Variants in POLR3E observed in about 807,000 individuals in gnomAD.
The protein encoded by POLR3E is DNA-directed RNA polymerase III subunit RPC5.
POLR3E carries 41 observed loss-of-function variants against 96.6 expected under a neutral mutation model. The observed-to-expected ratio is 0.42, with a 90% CI of 0.33 to 0.55. The LOEUF is 0.55. Ranked by LOEUF, POLR3E falls within the 20% of genes least tolerant of loss-of-function variation. POLR3E has a pLI of 0.06. For synonymous variants in POLR3E, 396 were observed against 383.6 expected (o/e 1.03, Z -0.38); for missense variants, 849 against 952.1 (o/e 0.89, Z 1.43).
intron 9 of POLR3E, among the ~76,000 whole-genome samples, 178 bp from the exon 10 acceptor site, chr16:22,316,423 C>G (rs893887990): frequency 1.3e-5 from 2 of 152,158 alleles, no homozygotes; most frequent in African/African-American, 4.8e-5. Context: ...CTGGGCAGGT[C>G]ATAAGGCCAG....
chr16:22,333,272 G>A (rs1361642571), intron 20 of POLR3E, among the ~76,000 whole-genome samples: 2 of 151,440 alleles, frequency 1.3e-5, no homozygotes, highest in African/African-American at 4.8e-5. Context: ...GACCAACATG[G>A]AGAAACCCCA....
At chr16:22,331,415 G>GTATA (rs201583900) in intron 19 of POLR3E, 1 of 151,966 alleles carries the variant, frequency 6.6e-6, no homozygotes, top group Non-Finnish European at 1.5e-5. Context: ...TCATTATTCT[G>GTATA]TATATCAGTC....
rs1036753077 is a variant in POLR3E at position 22,324,338 on chromosome 16, GCTT to G, written c.1069-10_1069-8del. On this transcript the variant is annotated splice_polypyrimidine_tract_variant and intron_variant, in intron 14 of 20. Transcript: ENST00000299853. ...TCCGTGGCCGCCCCTGGAATGTGCTGCTTCTTCTCCCTCAGATGTGGAAGTTCA... is the reference window on the plus strand; with the variant it reads ...TCCGTGGCCGCCCCTGGAATGTGCTGCTTCTCCCTCAGATGTGGAAGTTCA... 1.2e-6 allele frequency: 2 copies of G among 1,611,256 alleles called. No individual in the cohort carries two copies. The highest frequency in any genetic ancestry group is 1.7e-6 in the Non-Finnish European group (2 of 1,178,716).
chr16:22,304,404 G>A (rs1262669196), intron 2 of POLR3E, among the ~76,000 whole-genome samples: 1 of 152,190 alleles, frequency 6.6e-6, no homozygotes, highest in Non-Finnish European at 1.5e-5. Flanking sequence ...GTTACAACAG[G>A]GGGGTTGGTG....
Position 22,316,700 on chromosome 16 carries a change from G to GGCCA in POLR3E, c.728+17_728+20dup. ...CAAGTCACCCAGGTGGGATGGGCTG[G>GGCCA]GCCAGCATGCAAACTGGATGCCTGC... is the stretch of plus-strand genomic sequence containing the variant. On this transcript the variant is annotated intron_variant, in intron 10 of 20. Transcript: ENST00000299853. The GGCCA allele has an allele frequency of 6.2e-7, 1 of 1,608,986 alleles. No individual in the cohort carries two copies. The highest frequency in any genetic ancestry group is 2.2e-5 in the East Asian group (1 of 44,876).
At position 22,297,475 on chromosome 16, in the gene POLR3E, C is replaced by A. The variant is rs1268117811; in HGVS notation, c.-101C>A. ...CCTGAGAGGAGAGCCGGGCCGCCGC[C>A]GTCTCTGCAGCCCGCGGGTAACTGG... is the stretch of plus-strand genomic sequence containing the variant. On this transcript the variant is annotated 5_prime_UTR_variant, in exon 1 of 21. Coordinates refer to ENST00000299853, the MANE Select transcript of POLR3E (RefSeq NM_018119.4). The A allele has an allele frequency of 6.6e-6, 1 of 152,520 alleles. No individual in the cohort carries two copies. The highest frequency in any genetic ancestry group is 1.9e-4 in the East Asian group (1 of 5,216). The allele number at this position is 152,520 out of a possible 1,614,324, so 9.4% of individuals were successfully genotyped here.
rs138752547 is a variant in POLR3E at position 22,300,071 on chromosome 16, G to C, written c.-39+2534G>C. On this transcript the variant is annotated intron_variant, in intron 1 of 20. Coordinates refer to ENST00000299853, the MANE Select transcript of POLR3E (RefSeq NM_018119.4). ...TGGGAGACTTGGAGGTAGGTATAAG[G>C]AGCCGTAGGGAGACTTGGATGAGTG... Among the ~76,000 whole-genome samples the C allele has an allele frequency of 4.0e-4, 61 of 152,304 alleles. 2 individuals carry two copies. Among genetic ancestry groups the C allele is most frequent in the African/African-American group, 1.4e-3 (60 of 41,560 alleles).
rs201506303 is a variant in POLR3E at position 22,330,058 on chromosome 16, G to GTT, written c.1944+1486_1944+1487dup. Among the ~76,000 whole-genome samples the GTT allele has an allele frequency of 2.4e-3, 345 of 142,666 alleles. 2 individuals are homozygous for GTT. The highest frequency in any genetic ancestry group is 6.4e-3 in the African/African-American group (252 of 39,274). The allele number at this position is 142,666 out of a possible 152,430, so 93.6% of individuals were successfully genotyped here. On this transcript the variant is annotated intron_variant, in intron 19 of 20. Coordinates refer to ENST00000299853, the MANE Select transcript of POLR3E (RefSeq NM_018119.4). The stretch of plus-strand genomic sequence containing the variant: ...CTGTAGAGATAGATATGTTACGCCA[G>GTT]TTTTTTTTTTTTTTTTGAGATAGAT...
In POLR3E at chr16:22,334,448, T is replaced by C. The variant is rs1227604429; in HGVS notation, c.*748T>C. The C allele has an allele frequency of 6.6e-6, 1 of 152,246 alleles. No homozygotes were observed. Among genetic ancestry groups the C allele is most frequent in the Non-Finnish European group, 1.5e-5 (1 of 68,048 alleles). The allele number at this position is 152,246 out of a possible 1,614,324, so 9.4% of individuals were successfully genotyped here. A position where few individuals can be genotyped will look rare whatever the true frequency, so the allele number is the denominator to read the frequency against. ...AAATGCAAACACTAAACTAGCATCA[T>C]GGTGCTATCTTCAAATGGTTACAGG... On this transcript the variant is annotated 3_prime_UTR_variant, in exon 21 of 21. Transcript: ENST00000299853.
chr16:22,298,359 C>T (rs1409739483), intron 1 of POLR3E, among the ~76,000 whole-genome samples: 1 of 152,214 alleles, frequency 6.6e-6, no homozygotes, highest in African/African-American at 2.4e-5. Flanking sequence ...GCGTCATTAC[C>T]CGCTTACGTT....
intron 10 of POLR3E, 77 bp from the exon 11 acceptor site, chr16:22,316,918 A>C (rs1258813769): frequency 6.7e-7 from 1 of 1,491,604 alleles, no homozygotes; most frequent in Non-Finnish European, 9.4e-7. Context: ...CTCTCCCCAG[A>C]CCCTCACTTG....
At chr16:22,333,029 C>CAGT (rs1451199308) in intron 20 of POLR3E, among the ~76,000 whole-genome samples, 1 of 129,300 alleles carries the variant, frequency 7.7e-6, no homozygotes, top group Non-Finnish European at 1.5e-5. Context: ...GGCTAGAGTG[C>CAGT]AGTAGCACAA....
rs56242216 is a variant in POLR3E at position 22,305,829 on chromosome 16, A to G, written c.87+623A>G. On this transcript the variant is annotated intron_variant, in intron 3 of 20. Coordinates refer to ENST00000299853, the MANE Select transcript of POLR3E (RefSeq NM_018119.4). Reference sequence around the variant, plus strand: ...TGACCGTATGCAGACTGTTGAAAGCATTTACCTCAGTTACCTCTTTAACCC... The same window carrying G: ...TGACCGTATGCAGACTGTTGAAAGCGTTTACCTCAGTTACCTCTTTAACCC... 9.6e-3 allele frequency among the ~76,000 whole-genome samples: 1,469 copies of G among 152,254 alleles called. 14 individuals are homozygous for G. The highest frequency in any genetic ancestry group is 0.014 in the Non-Finnish European group (961 of 68,026).
chr16:22,324,703 C>G (rs1161445187), intron 16 of POLR3E, 43 bp downstream of exon 16: 3 of 1,599,102 alleles, frequency 1.9e-6, no homozygotes, highest in Non-Finnish European at 2.6e-6. Context: ...GTGATCCCAG[C>G]AACCCTGCAT....
At chr16:22,310,968 A>G (rs964782463) in intron 6 of POLR3E, among the ~76,000 whole-genome samples, 1 of 152,136 alleles carries the variant, frequency 6.6e-6, no homozygotes, top group Non-Finnish European at 1.5e-5. Flanking sequence ...AAATTTATTT[A>G]TTGATTTATT....
intron 13 of POLR3E, among the ~76,000 whole-genome samples, chr16:22,321,234 G>C (rs1388195138): frequency 6.6e-6 from 1 of 152,184 alleles, no homozygotes; most frequent in African/African-American, 2.4e-5. Flanking sequence ...CGTTTTACTT[G>C]AATTATATTG....
chr16:22,328,291 CCT>C (rs1472727624), intron 18 of POLR3E: 3 of 561,092 alleles, frequency 5.3e-6, no homozygotes, highest in Non-Finnish European at 9.6e-6. Flanking sequence ...TCGCTGAAGC[CCT>C]GTCAGGCCCT....
chr16:22,301,552 A>T (rs936412387), intron 1 of POLR3E, among the ~76,000 whole-genome samples: 1 of 152,096 alleles, frequency 6.6e-6, no homozygotes, highest in African/African-American at 2.4e-5. Flanking sequence ...GAGCACTTCA[A>T]CCTGGGTGAC....
intron 9 of POLR3E, among the ~76,000 whole-genome samples, chr16:22,315,778 T>A (rs567778289): frequency 3.0e-4 from 46 of 152,300 alleles, no homozygotes; most frequent in African/African-American, 1.1e-3. Flanking sequence ...TTCAAGTGAT[T>A]CTTCTGCCTC....
Sources: gnomAD v4.1 joint callset for allele counts (sites outside exome capture counted in the v4.1 genomes callset) on GRCh38, gnomAD v4.1.1 for gene constraint, MANE v1.5 for transcripts, NCBI Gene and HGNC (gene_info 2026-07-23, HGNC 2026-07-21) for gene names.